The following MYO6 variants were observed in gnomAD, a reference collection of about 807,000 sequenced individuals.
MYO6 encodes the protein unconventional myosin-VI.
Under a neutral mutation model 178.7 loss-of-function variants are expected in MYO6, and 74 were observed. The observed-to-expected ratio is 0.41, with a 90% CI of 0.34 to 0.50. The LOEUF (loss-of-function observed/expected upper bound fraction) is 0.50. MYO6 is among the 20% of genes least tolerant of loss of function. The pLI is 0.09. For missense variants in MYO6, 1,330 were observed against 1,547.4 expected, an observed-to-expected ratio of 0.86 and a Z score of 2.36; for synonymous variants, 477 against 504.6, an observed-to-expected ratio of 0.95 and a Z score of 0.73.
intron 26 of MYO6, 36 bp from the exon 27 acceptor site, chr6:75,891,191 CT>C: frequency 7.2e-7 from 1 of 1,387,940 alleles, no homozygotes; most frequent in Non-Finnish European, 1.0e-6. Context: ...TCTTTATTTT[CT>C]GTTAAATTTT....
intron 1 of MYO6, 84 bp from the exon 2 acceptor site, chr6:75,817,417 G>A (rs753907468): frequency 6.4e-6 from 5 of 782,316 alleles, no homozygotes; most frequent in Non-Finnish European, 1.1e-5. Context: ...GGACTTACAT[G>A]TGAACTTTTG....
chr6:75,817,101 C>G (rs1016082831), intron 1 of MYO6, among the ~76,000 whole-genome samples: 6 of 151,974 alleles, frequency 3.9e-5, no homozygotes, highest in African/African-American at 9.7e-5. Context: ...GTCAGGAGAT[C>G]GAGACCATCC....
intron 1 of MYO6, among the ~76,000 whole-genome samples, chr6:75,760,750 CTT>C (rs879815888): frequency 1.4e-5 from 2 of 140,902 alleles, no homozygotes. Context: ...TGTAAGTAGG[CTT>C]TTTTTTTTTT....
At chr6:75,837,858 A>C (rs1162579490) in intron 7 of MYO6, among the ~76,000 whole-genome samples, 2 of 152,136 alleles carry the variant, frequency 1.3e-5, no homozygotes, top group Admixed American at 6.5e-5. Context: ...AAACTGAATA[A>C]ATTAATAAAA....
intron 23 of MYO6, among the ~76,000 whole-genome samples, chr6:75,882,481 C>G (rs1211280214): frequency 6.6e-6 from 1 of 152,256 alleles, no homozygotes; most frequent in South Asian, 2.1e-4. Flanking sequence ...TCTCTTCCCC[C>G]ACCATCCCCT....
intron 1 of MYO6, among the ~76,000 whole-genome samples, chr6:75,810,893 G>A (rs907112500): frequency 2.6e-5 from 4 of 152,170 alleles, no homozygotes; most frequent in African/African-American, 9.7e-5. Context: ...TGTAATCCCG[G>A]TTACTCAGAA....
intron 1 of MYO6, among the ~76,000 whole-genome samples, chr6:75,773,787 C>G (rs900234355): frequency 6.6e-6 from 1 of 152,150 alleles, no homozygotes. Context: ...GGATGGGTGA[C>G]GGAATACCTC....
At chr6:75,792,910 A>G (rs564601725) in intron 1 of MYO6, among the ~76,000 whole-genome samples, 8 of 151,966 alleles carry the variant, frequency 5.3e-5, no homozygotes, top group Admixed American at 4.6e-4. Context: ...TAGCCTCTCA[A>G]ATGGTTGGGA....
intron 1 of MYO6, among the ~76,000 whole-genome samples, chr6:75,760,550 C>T (rs1408164001): frequency 1.3e-5 from 2 of 152,066 alleles, no homozygotes; most frequent in Non-Finnish European, 2.9e-5. Context: ...GATGAATAAA[C>T]ATCTGGCTGA....
chr6:75,808,957 C>A (rs1331627363), intron 1 of MYO6, among the ~76,000 whole-genome samples: 2 of 152,152 alleles, frequency 1.3e-5, no homozygotes, highest in Admixed American at 6.5e-5. Context: ...ACAGAATACA[C>A]AATTTACAGG....
rs1263658303 is a variant in MYO6 at position 75,879,774 on chromosome 6, T to C, written c.2078-46T>C. ...TGATCATTCACAAATTATTTTGGAC[T>C]TCCGAACAGTGATTGACAGTGCTTT... On this transcript the variant is annotated intron_variant, in intron 20 of 34. Transcript: ENST00000369977. 1.9e-6 allele frequency: 3 copies of C among 1,613,928 alleles called. No homozygotes were observed. In the African/African-American group the frequency reaches 4.0e-5, roughly 22 times the overall value.
intron 1 of MYO6, among the ~76,000 whole-genome samples, chr6:75,784,231 A>G (rs1767283423): frequency 6.6e-6 from 1 of 151,968 alleles, no homozygotes; most frequent in African/African-American, 2.4e-5. Flanking sequence ...TTGGGCTCCC[A>G]AAGTGCTGGG....
At chr6:75,880,216 T>A in intron 22 of MYO6, 96 bp downstream of exon 22, 1 of 933,008 alleles carries the variant, frequency 1.1e-6, no homozygotes, top group Non-Finnish European at 1.7e-6. Context: ...TGTATTATTC[T>A]TGAATTATAT....
intron 1 of MYO6, among the ~76,000 whole-genome samples, chr6:75,779,500 T>C (rs1376354521): frequency 1.3e-5 from 2 of 151,160 alleles, no homozygotes; most frequent in Non-Finnish European, 2.9e-5. Flanking sequence ...AGATTCCATC[T>C]GAAAAAAAAA....
At chr6:75,850,465 G>A (rs1775159797) in intron 11 of MYO6, among the ~76,000 whole-genome samples, 1 of 152,154 alleles carries the variant, frequency 6.6e-6, no homozygotes, top group African/African-American at 2.4e-5. Context: ...AGCTGGTTCT[G>A]CTCATGTCTG....
At chr6:75,841,936 C>T (rs535724396) in intron 9 of MYO6, among the ~76,000 whole-genome samples, 38 of 152,170 alleles carry the variant, frequency 2.5e-4, no homozygotes, top group South Asian at 2.1e-3. Flanking sequence ...TTAAACCCTA[C>T]GTCAATTTAA....
At chr6:75,840,065 T>C (rs930024593) in intron 7 of MYO6, among the ~76,000 whole-genome samples, 3 of 152,140 alleles carry the variant, frequency 2.0e-5, no homozygotes, top group Admixed American at 6.5e-5. Flanking sequence ...TTGAGAAATT[T>C]TCCTATCTCA....
intron 10 of MYO6, among the ~76,000 whole-genome samples, chr6:75,847,283 C>T (rs951589746): frequency 6.6e-6 from 1 of 151,942 alleles, no homozygotes; most frequent in Non-Finnish European, 1.5e-5. Context: ...CATAATTGAA[C>T]ATTTTAAATA....
chr6:75,767,680 G>A (rs1186000679), intron 1 of MYO6, among the ~76,000 whole-genome samples: 4 of 151,374 alleles, frequency 2.6e-5, no homozygotes, highest in African/African-American at 4.9e-5. Flanking sequence ...CACCACACCC[G>A]GCTAATTTTT....
Sources: allele counts gnomAD v4.1 joint callset (sites outside exome capture counted in the v4.1 genomes callset), GRCh38; gene constraint gnomAD v4.1.1; transcripts MANE v1.5; gene names NCBI Gene and HGNC (gene_info 2026-07-23, HGNC 2026-07-21).